ZNF521: variants seen among roughly 807,000 people sequenced by gnomAD.
The protein encoded by ZNF521 is LYST-interacting protein 3.
A neutral mutation model predicts 105.5 loss-of-function variants in ZNF521; 14 were observed. The ratio of observed to expected loss-of-function variants is 0.13; its 90% CI spans 0.09 to 0.21. The LOEUF (loss-of-function observed/expected upper bound fraction) is 0.21. Among genes scored for constraint, ZNF521 ranks in the 10% least tolerant of loss-of-function variants. The pLI is 1.00. For missense variants in ZNF521, 1,233 were observed against 1,629.7 expected (o/e 0.76, Z 4.19); for synonymous variants, 635 against 606.0 (o/e 1.05, Z -0.70).
At chr18:25,085,675 G>A (rs1276787811) in intron 7 of ZNF521, among the ~76,000 whole-genome samples, 1 of 151,488 alleles carries the variant, frequency 6.6e-6, no homozygotes, top group Non-Finnish European at 1.5e-5. Context: ...GTGTGTGTGT[G>A]TGTGTGTGTA....
chr18:25,147,968 C>A (rs1012580992), intron 5 of ZNF521, among the ~76,000 whole-genome samples: 1 of 152,090 alleles, frequency 6.6e-6, no homozygotes, highest in Admixed American at 6.5e-5. Flanking sequence ...GAGTTCTACC[C>A]CCATCTCCAT....
intron 5 of ZNF521, among the ~76,000 whole-genome samples, chr18:25,163,772 TG>T (rs2035289675): frequency 6.6e-6 from 1 of 152,176 alleles, no homozygotes; most frequent in Admixed American, 6.5e-5. Flanking sequence ...GTTGCAGGTA[TG>T]GGGGCTTTTT....
At chr18:25,224,280 T>C (rs4129657) in intron 4 of ZNF521, 65 bp downstream of exon 4, 483,605 of 1,408,748 alleles carry the variant, frequency 0.34, 85,011 homozygotes, top group East Asian at 0.5. Context: ...GTGGAGAGTG[T>C]AAACATAAAG....
chr18:25,184,907 A>T (rs1338045161), intron 5 of ZNF521, among the ~76,000 whole-genome samples: 2 of 152,202 alleles, frequency 1.3e-5, no homozygotes, highest in Non-Finnish European at 2.9e-5. Flanking sequence ...AATTCTGTTC[A>T]ATAACAGTGC....
intron 2 of ZNF521, among the ~76,000 whole-genome samples, chr18:25,347,992 G>A (rs1345064679): frequency 6.6e-6 from 1 of 152,168 alleles, no homozygotes; most frequent in Non-Finnish European, 1.5e-5. Flanking sequence ...GGTTTCCAAT[G>A]CCTCCTTCAA....
chr18:25,089,055 C>T (rs1350419616), intron 7 of ZNF521, among the ~76,000 whole-genome samples: 1 of 152,178 alleles, frequency 6.6e-6, no homozygotes, highest in Non-Finnish European at 1.5e-5. Context: ...TTTTCTTCCC[C>T]TCTCCCTTCC....
Position 25,225,056 on chromosome 18 carries a change from G to T in ZNF521, c.2862C>A (p.Gly954=), listed in dbSNP as rs774492204. The T allele has an allele frequency of 1.5e-5, 25 of 1,614,082 alleles. No individual in the cohort carries two copies. The South Asian group carries it at 2.7e-4, about 18-fold the overall frequency. Residue 954 remains glycine, a synonymous_variant, in exon 4 of 8, where the codon GGC becomes GGA. Coordinates refer to ENST00000361524, the MANE Select transcript of ZNF521 (RefSeq NM_015461.3). The surrounding 1 kb of genome is among the most constrained non-coding windows in gnomAD (Gnocchi z 5.6). ...GLREHMQTHL[G]PVKHYMCPIC... The stretch of plus-strand genomic sequence containing the variant: ...TAGGGCACATGTAGTGTTTGACAGG[G>T]CCTAGGTGGGTCTGCATATGTTCCC...
At chr18:25,284,908 GCGCA>G in intron 3 of ZNF521, among the ~76,000 whole-genome samples, 1 of 139,476 alleles carries the variant, frequency 7.2e-6, no homozygotes, top group South Asian at 2.2e-4. Flanking sequence ...GCGTGCGCGC[GCGCA>G]CACACACACA....
At chr18:25,245,095 A>G (rs1907611994) in intron 3 of ZNF521, among the ~76,000 whole-genome samples, 1 of 152,182 alleles carries the variant, frequency 6.6e-6, no homozygotes, top group South Asian at 2.1e-4. Context: ...TGCTATAGCA[A>G]ATTTTCATTG....
chr18:25,309,965 C>T (rs1912202815), intron 3 of ZNF521, among the ~76,000 whole-genome samples: 1 of 152,064 alleles, frequency 6.6e-6, no homozygotes, highest in South Asian at 2.1e-4. Context: ...CAATGACAAT[C>T]TTTTCTATAA....
At chr18:25,124,339 G>T (rs1011274279) in intron 5 of ZNF521, among the ~76,000 whole-genome samples, 1 of 152,078 alleles carries the variant, frequency 6.6e-6, no homozygotes, top group Non-Finnish European at 1.5e-5. Context: ...AACAGCTGCA[G>T]TCCTGCTTCA....
At chr18:25,328,084 T>C (rs570001991) in intron 2 of ZNF521, among the ~76,000 whole-genome samples, 1 of 152,308 alleles carries the variant, frequency 6.6e-6, no homozygotes, top group African/African-American at 2.4e-5. Context: ...CTCTATTCTC[T>C]GAAAGTTGTT....
In ZNF521 at chr18:25,204,251, A is replaced by C. The variant is rs2036041291; in HGVS notation, c.3574-9007T>G. Among the ~76,000 whole-genome samples the C allele has an allele frequency of 2.6e-5, 4 of 152,210 alleles. 1 individual carries two copies. The South Asian group carries it at 8.3e-4, about 32-fold the overall frequency. On this transcript the variant is annotated intron_variant, in intron 4 of 7. Transcript: ENST00000361524. ...AAACCCTAAACTCCATGAAGATATA[A>C]ATTTAAGCTACTACTACATTTATAA...
intron 4 of ZNF521, among the ~76,000 whole-genome samples, chr18:25,221,794 C>T (rs963502576): frequency 7.2e-5 from 11 of 152,122 alleles, no homozygotes; most frequent in Non-Finnish European, 1.3e-4. Context: ...AGAAATTTAA[C>T]TTGGCTAACA....
chr18:25,227,936 A>ACTTTTTATCATTCTTTTT lies in ZNF521; in HGVS notation c.221-240_221-239insAAAAAGAATGATAAAAAG, dbSNP rs1906283852. ...AGGATATTAAATAGTTCTATGTCTA[A>ACTTTTTATCATTCTTTTT]ATTACCCTTTTATTACTTTTTATCA... On this transcript the variant is annotated intron_variant, in intron 3 of 7. Transcript: ENST00000361524. This position sits in a 1 kb window ranked among gnomAD's most constrained non-coding sequence, Gnocchi z 5.7. Among the ~76,000 whole-genome samples the ACTTTTTATCATTCTTTTT allele has an allele frequency of 6.6e-6, 1 of 152,212 alleles. No homozygotes were observed. Among genetic ancestry groups the ACTTTTTATCATTCTTTTT allele is most frequent in the Non-Finnish European group, 1.5e-5 (1 of 68,036 alleles).
intron 7 of ZNF521, among the ~76,000 whole-genome samples, chr18:25,076,204 G>A (rs748583483): frequency 2.1e-4 from 32 of 152,186 alleles, no homozygotes; most frequent in Non-Finnish European, 3.7e-4. Flanking sequence ...ATGGTAATCC[G>A]TGGATGAATA....
At chr18:25,265,388 A>G (rs532397781) in intron 3 of ZNF521, among the ~76,000 whole-genome samples, 1 of 152,212 alleles carries the variant, frequency 6.6e-6, no homozygotes, top group East Asian at 1.9e-4. Flanking sequence ...AGTTATCATA[A>G]ACATTCCTGC....
chr18:25,144,644 C>T (rs1567981269), intron 5 of ZNF521, among the ~76,000 whole-genome samples: 1 of 151,886 alleles, frequency 6.6e-6, no homozygotes, highest in East Asian at 1.9e-4. Flanking sequence ...AAATGCAACT[C>T]ATTGCCATGT....
chr18:25,344,009 G>A (rs1914348105), intron 2 of ZNF521, among the ~76,000 whole-genome samples: 1 of 151,952 alleles, frequency 6.6e-6, no homozygotes, highest in African/African-American at 2.4e-5. Context: ...CTGTGGCAGG[G>A]TCCCCAGGCA....
Sources: gnomAD v4.1 joint callset for allele counts (sites outside exome capture counted in the v4.1 genomes callset) on GRCh38, gnomAD v4.1.1 for gene constraint, Gnocchi (gnomAD v3.1) non-coding constraint, MANE v1.5 for transcripts, NCBI Gene and HGNC (gene_info 2026-07-23, HGNC 2026-07-21) for gene names.